HNF4A: variants seen among roughly 807,000 people sequenced by gnomAD.
HNF4A encodes the protein hepatocyte nuclear factor 4-alpha.
HNF4A carries 15 observed loss-of-function variants against 52.4 expected under a neutral mutation model. The observed-to-expected ratio is 0.29, with a 90% CI of 0.19 to 0.44. The LOEUF is 0.44. Among genes scored for constraint, HNF4A ranks in the 20% least tolerant of loss-of-function variants. The probability of loss-of-function intolerance (pLI) is 1.00; values close to 1 mark genes in which losing one functional copy is unlikely to be tolerated. For synonymous variants in HNF4A, 280 were observed against 264.4 expected (o/e 1.06, Z -0.57); for missense variants, 479 against 647.2 (o/e 0.74, Z 2.82).
At chr20:44,368,986 G>A (rs1394010749) in intron 1 of HNF4A, among the ~76,000 whole-genome samples, 6 of 151,964 alleles carry the variant, frequency 3.9e-5, no homozygotes, top group Non-Finnish European at 8.8e-5. Flanking sequence ...GGTGGCTCAC[G>A]CCTGTAATCC....
intron 1 of HNF4A, among the ~76,000 whole-genome samples, chr20:44,387,288 TAAAAAAAA>T (rs537843651): frequency 6.1e-5 from 5 of 82,012 alleles, no homozygotes; most frequent in Non-Finnish European, 1.2e-4. Flanking sequence ...AACTTCATCT[TAAAAAAAA>T]AAAAAAAAAA....
At chr20:44,357,916 T>C (rs768530697) in intron 1 of HNF4A, among the ~76,000 whole-genome samples, 2 of 151,512 alleles carry the variant, frequency 1.3e-5, no homozygotes, top group Non-Finnish European at 2.9e-5. Flanking sequence ...GCTGGCCCTC[T>C]GCTCTAGGCC....
chr20:44,434,467 A>T (rs1230260775), downstream of HNF4A: 1 of 145,970 alleles, frequency 6.9e-6, no homozygotes, highest in African/African-American at 2.5e-5. Flanking sequence ...AATGTTTTCG[A>T]TAACGTTGCA....
intron 1 of HNF4A, among the ~76,000 whole-genome samples, chr20:44,395,201 A>G (rs2425635): frequency 0.44 from 66,387 of 152,068 alleles, 15,842 homozygotes; most frequent in Admixed American, 0.58. Context: ...AGTCCCTTTC[A>G]CCCTCTGAGG....
At chr20:44,383,342 T>G (rs890955452) in intron 1 of HNF4A, among the ~76,000 whole-genome samples, 2 of 152,112 alleles carry the variant, frequency 1.3e-5, no homozygotes, top group Non-Finnish European at 2.9e-5. Context: ...ATGGTCACTA[T>G]TTTGCAAATA....
chr20:44,420,774 C>T (rs1371684523), intron 7 of HNF4A, among the ~76,000 whole-genome samples: 1 of 152,092 alleles, frequency 6.6e-6, no homozygotes, highest in East Asian at 1.9e-4. Flanking sequence ...GATGTGATTG[C>T]ACCACTGCAC....
rs2063407237 is a variant in HNF4A at position 44,401,428 on chromosome 20, T to C, written c.56T>C (p.Leu19Pro). 6.2e-7 allele frequency: 1 copy of C among 1,614,194 alleles called. No individual in the cohort carries two copies. ...GACATGGCCGACTACAGTGCTGCAC[T>C]GGACCCAGCCTACACCACCCTGGAA... The change falls in exon 1 of 10, where the codon CTG becomes CCG. Residue 19 changes from leucine to proline, a missense_variant. Physicochemically the swap from Leu to Pro is moderately conservative, Grantham distance 98. Coordinates refer to ENST00000316099, the MANE Select transcript of HNF4A (RefSeq NM_000457.6).
At chr20:44,357,731 T>G (rs2062873674) in intron 1 of HNF4A, among the ~76,000 whole-genome samples, 1 of 151,978 alleles carries the variant, frequency 6.6e-6, no homozygotes, top group African/African-American at 2.4e-5. Context: ...AATGGGTTAG[T>G]GAATGTTCTA....
chr20:44,406,084 C>A lies in HNF4A; in HGVS notation c.142C>A (p.Leu48Ile), dbSNP rs753285226. The A allele has an allele frequency of 1.1e-5, 18 of 1,612,820 alleles. No homozygotes were observed. The highest frequency in any genetic ancestry group is 1.5e-5 in the Non-Finnish European group (18 of 1,180,034). The change falls in exon 2 of 10, where the codon CTC (leucine) becomes ATC (isoleucine). Residue 48 changes from leucine (L) to isoleucine (I), a missense_variant. Leu to Ile is a conservative substitution (Grantham distance 5). Transcript: ENST00000316099. ...CACGTCCCCATCAGAAGGCACCAAC[C>A]TCAACGCGCCCAACAGCCTGGGTGT...
intron 1 of HNF4A, 50 bp from the exon 2 acceptor site, chr20:44,406,008 C>A (rs1385919856): frequency 1.3e-6 from 2 of 1,567,850 alleles, no homozygotes; most frequent in Non-Finnish European, 1.8e-6. Context: ...CCCTTAGATG[C>A]CTGACATTCT....
chr20:44,393,712 T>A (rs1403680176), intron 1 of HNF4A, among the ~76,000 whole-genome samples: 3 of 152,020 alleles, frequency 2.0e-5, no homozygotes, highest in Non-Finnish European at 4.4e-5. Context: ...GCCATGATGA[T>A]CAATGTGTAT....
intron 3 of HNF4A, among the ~76,000 whole-genome samples, chr20:44,411,773 G>A (rs2063587117): frequency 6.6e-6 from 1 of 152,078 alleles, no homozygotes; most frequent in African/African-American, 2.4e-5. Flanking sequence ...AAGAATTAGA[G>A]TTTATGACCA....
At chr20:44,373,891 T>G (rs185947191) in intron 1 of HNF4A, among the ~76,000 whole-genome samples, 2 of 152,190 alleles carry the variant, frequency 1.3e-5, no homozygotes, top group East Asian at 3.9e-4. Context: ...GGTTTCACCA[T>G]GTTGGCCAGC....
rs73613485 is a variant in HNF4A at position 44,383,364 on chromosome 20, A to T, written c.50-22694A>T. ...CTATTTTGCAAATAAGAAAACAGTC[A>T]CAGAGCAGTTCAGTAACTTGTCCAG... On this transcript the variant is annotated intron_variant, in intron 1 of 9. Coordinates refer to the HNF4A transcript ENST00000316673. Among the ~76,000 whole-genome samples, 5 of 152,288 alleles carry T rather than the reference A, an allele frequency of 3.3e-5. No individual in the cohort carries two copies. In the East Asian group the frequency reaches 9.6e-4, roughly 29 times the overall value.
At chr20:44,367,051 C>G (rs1409489992) in intron 1 of HNF4A, among the ~76,000 whole-genome samples, 1 of 152,048 alleles carries the variant, frequency 6.6e-6, no homozygotes, top group Non-Finnish European at 1.5e-5. Context: ...AAAATTAACT[C>G]CTGGCCGGGT....
intron 1 of HNF4A, among the ~76,000 whole-genome samples, chr20:44,366,543 C>T (rs543646490): frequency 5.9e-5 from 9 of 152,164 alleles, no homozygotes; most frequent in African/African-American, 2.2e-4. Flanking sequence ...ATCTCTTAAA[C>T]CCAGGAGGTG....
chr20:44,418,339 A>G (rs1467158531), intron 5 of HNF4A, 86 bp from the exon 6 acceptor site: 1 of 1,033,444 alleles, frequency 9.7e-7, no homozygotes, highest in East Asian at 2.4e-5. Flanking sequence ...GGGAGCATTA[A>G]GCTGACTTGC....
At chr20:44,433,115 C>T (rs1003289572), downstream of HNF4A, 1 of 152,116 alleles carries the variant, frequency 6.6e-6, no homozygotes, top group Admixed American at 6.6e-5. Flanking sequence ...GGACATCTAA[C>T]CCTGGTCTCT....
At chr20:44,369,190 A>G (rs564451311) in intron 1 of HNF4A, among the ~76,000 whole-genome samples, 98 of 134,680 alleles carry the variant, frequency 7.3e-4, no homozygotes, top group African/African-American at 2.6e-3. Flanking sequence ...TGGAGGTTTC[A>G]GTGAGCTGAG....
Sources: allele counts gnomAD v4.1 joint callset (sites outside exome capture counted in the v4.1 genomes callset), GRCh38; gene constraint gnomAD v4.1.1; transcripts MANE v1.5; gene names NCBI Gene and HGNC (gene_info 2026-07-23, HGNC 2026-07-21).